PRKCA: variants seen among roughly 807,000 people sequenced by gnomAD.
PRKCA encodes the protein protein kinase C alpha.
PRKCA carries 27 observed loss-of-function variants against 87.0 expected under a neutral mutation model. That is an observed-to-expected ratio of 0.31 (90% confidence interval 0.23 to 0.43). PRKCA has a LOEUF of 0.43. PRKCA is among the 20% of genes least tolerant of loss of function. The probability of loss-of-function intolerance (pLI) is 1.00; values close to 1 mark genes in which losing one functional copy is unlikely to be tolerated. For synonymous variants in PRKCA, 329 were observed against 311.1 expected, an observed-to-expected ratio of 1.06 and a Z score of -0.61; for missense variants, 518 against 852.3, an observed-to-expected ratio of 0.61 and a Z score of 4.88.
chr17:66,321,650 T>G (rs1364073945), intron 2 of PRKCA, among the ~76,000 whole-genome samples: 1 of 152,178 alleles, frequency 6.6e-6, no homozygotes, highest in Non-Finnish European at 1.5e-5. Flanking sequence ...TTCAAGCGAT[T>G]CTCCTGCGTC....
At chr17:66,756,683 A>G (rs1481254179) in intron 13 of PRKCA, among the ~76,000 whole-genome samples, 1 of 151,756 alleles carries the variant, frequency 6.6e-6, no homozygotes, top group Non-Finnish European at 1.5e-5. Flanking sequence ...TGTTTTGGAG[A>G]TGGAGTCTTG....
At chr17:66,688,497 T>TTCAGTCTCTCAAATG (rs1567976971) in intron 7 of PRKCA, 61 bp downstream of exon 7, 1 of 1,598,166 alleles carries the variant, frequency 6.3e-7, no homozygotes, top group East Asian at 2.2e-5. Context: ...ACAGTTAGGT[T>TTCAGTCTCTCAAATG]TCAGTCTCTC....
intron 5 of PRKCA, among the ~76,000 whole-genome samples, chr17:66,682,759 A>G (rs1972526443): frequency 6.6e-6 from 1 of 152,234 alleles, no homozygotes; most frequent in African/African-American, 2.4e-5. Context: ...GGTCAAAACA[A>G]TTTGGTTCTT....
intron 13 of PRKCA, among the ~76,000 whole-genome samples, chr17:66,765,426 A>ATATATC (rs1555646689): frequency 8.0e-6 from 1 of 124,326 alleles, no homozygotes; most frequent in African/African-American, 3.2e-5. Flanking sequence ...GTCTATATAT[A>ATATATC]TATATATATA....
At chr17:66,576,896 A>C (rs543329983) in intron 3 of PRKCA, among the ~76,000 whole-genome samples, 70 of 135,928 alleles carry the variant, frequency 5.1e-4, no homozygotes, top group African/African-American at 2.0e-3. Context: ...TTTTTTTGAG[A>C]CAGGGTCTTG....
At chr17:66,477,470 C>T (rs985889738) in intron 2 of PRKCA, among the ~76,000 whole-genome samples, 16 of 152,050 alleles carry the variant, frequency 1.1e-4, no homozygotes, top group South Asian at 2.1e-4. Flanking sequence ...GAGACTGAGG[C>T]GGGCGGACCA....
chr17:66,437,682 T>A (rs1340434923), intron 2 of PRKCA, among the ~76,000 whole-genome samples: 1 of 131,450 alleles, frequency 7.6e-6, no homozygotes. Context: ...CAGGATGCTG[T>A]GGGTCCCAGA....
intron 3 of PRKCA, among the ~76,000 whole-genome samples, chr17:66,500,857 A>G (rs976710375): frequency 6.6e-6 from 1 of 152,240 alleles, no homozygotes; most frequent in Non-Finnish European, 1.5e-5. Flanking sequence ...TGGCAGGCTC[A>G]GTGAGGAAGA....
In PRKCA at chr17:66,441,277, G is replaced by A. The variant is rs544596829; in HGVS notation, c.206-54924G>A. Among the ~76,000 whole-genome samples the A allele has an allele frequency of 2.6e-4, 39 of 151,554 alleles. 1 individual carries two copies. Among genetic ancestry groups the A allele is most frequent in the South Asian group, 4.2e-4 (2 of 4,778 alleles). On this transcript the variant is annotated intron_variant, in intron 2 of 16. Coordinates refer to ENST00000413366, the MANE Select transcript of PRKCA (RefSeq NM_002737.3). ...AAGGATGGCCTGAGGCCAGGAGTTC[G>A]AGATTGCAGTGAGCTGTGATCACAC...
intron 3 of PRKCA, among the ~76,000 whole-genome samples, chr17:66,543,177 G>A (rs553692936): frequency 2.6e-5 from 4 of 152,208 alleles, no homozygotes; most frequent in East Asian, 1.9e-4. Flanking sequence ...TCCGTATGAC[G>A]ACAGTTTTCT....
chr17:66,714,392 A>G (rs567699008), intron 8 of PRKCA, among the ~76,000 whole-genome samples: 4 of 152,130 alleles, frequency 2.6e-5, no homozygotes, highest in African/African-American at 9.6e-5. Flanking sequence ...ACCGTTGGAG[A>G]CAGGAAACAC....
At chr17:66,479,075 C>T (rs974289793) in intron 2 of PRKCA, among the ~76,000 whole-genome samples, 2 of 151,962 alleles carry the variant, frequency 1.3e-5, no homozygotes, top group South Asian at 2.1e-4. Context: ...AACTATCAAC[C>T]GAGTAAACAA....
At chr17:66,652,061 C>T (rs938283053) in intron 5 of PRKCA, among the ~76,000 whole-genome samples, 9 of 152,108 alleles carry the variant, frequency 5.9e-5, no homozygotes, top group Admixed American at 6.5e-5. Context: ...TGGATTCAAG[C>T]GATTCTCCTG....
At chr17:66,583,675 G>A (rs1398314445) in intron 3 of PRKCA, among the ~76,000 whole-genome samples, 1 of 151,996 alleles carries the variant, frequency 6.6e-6, no homozygotes, top group Non-Finnish European at 1.5e-5. Context: ...GTTTGAAAAT[G>A]AGAAATAATT....
chr17:66,372,406 T>C (rs924651111), intron 2 of PRKCA, among the ~76,000 whole-genome samples: 3 of 152,198 alleles, frequency 2.0e-5, no homozygotes, highest in Non-Finnish European at 4.4e-5. Flanking sequence ...CATAGGTAAT[T>C]GGGCGGTACT....
intron 5 of PRKCA, among the ~76,000 whole-genome samples, chr17:66,682,157 C>T (rs749413672): frequency 1.3e-5 from 2 of 152,198 alleles, no homozygotes; most frequent in East Asian, 1.9e-4. Context: ...CCACCTGCAT[C>T]GGGGATCACT....
chr17:66,504,986 G>C (rs1214972048), intron 3 of PRKCA, among the ~76,000 whole-genome samples: 2 of 152,122 alleles, frequency 1.3e-5, no homozygotes, highest in Non-Finnish European at 2.9e-5. Flanking sequence ...GTCCATTTCT[G>C]AAACCACCCT....
At chr17:66,755,542 AT>A (rs1443795926) in intron 13 of PRKCA, among the ~76,000 whole-genome samples, 1 of 152,050 alleles carries the variant, frequency 6.6e-6, no homozygotes, top group Non-Finnish European at 1.5e-5. Context: ...CTTATGGCTT[AT>A]TTTATTGAAG....
At chr17:66,521,285 T>A (rs961611814) in intron 3 of PRKCA, among the ~76,000 whole-genome samples, 1 of 152,200 alleles carries the variant, frequency 6.6e-6, no homozygotes, top group Non-Finnish European at 1.5e-5. Flanking sequence ...ATGGTAATAA[T>A]GTCATATTAT....
Sources: allele counts gnomAD v4.1 joint callset (sites outside exome capture counted in the v4.1 genomes callset), GRCh38; gene constraint gnomAD v4.1.1; transcripts MANE v1.5; gene names NCBI Gene and HGNC (gene_info 2026-07-23, HGNC 2026-07-21).